Variants in ASB3 observed in about 807,000 individuals in gnomAD.
ASB3 encodes ankyrin repeat and SOCS box protein 3.
ASB3 carries 41 observed loss-of-function variants against 54.5 expected under a neutral mutation model. That is an observed-to-expected ratio of 0.75 (90% CI 0.59 to 0.98). ASB3 has a LOEUF of 0.98. Among genes scored for constraint, ASB3 ranks in the 50% least tolerant of loss-of-function variants. The pLI is 0.00. For synonymous variants in ASB3, 266 were observed against 221.2 expected, an observed-to-expected ratio of 1.20 and a Z score of -1.80; for missense variants, 733 against 620.0, an observed-to-expected ratio of 1.18 and a Z score of -1.94.
At chr2:53,776,446 G>C (rs894520985) in intron 1 of ASB3, among the ~76,000 whole-genome samples, 2 of 152,006 alleles carry the variant, frequency 1.3e-5, no homozygotes, top group Non-Finnish European at 2.9e-5. Flanking sequence ...TCTTTTTTCA[G>C]CAAAAATACT....
intron 3 of ASB3, among the ~76,000 whole-genome samples, chr2:53,731,046 T>A (rs1187062567): frequency 6.6e-6 from 1 of 152,152 alleles, no homozygotes; most frequent in Non-Finnish European, 1.5e-5. Flanking sequence ...ATTGTACTAG[T>A]TTTATATATT....
chr2:53,697,141 A>G (rs374981304), intron 8 of ASB3, among the ~76,000 whole-genome samples: 5 of 152,342 alleles, frequency 3.3e-5, no homozygotes, highest in African/African-American at 1.2e-4. Context: ...CTCATTGTTC[A>G]TTATATGCTA....
intron 7 of ASB3, among the ~76,000 whole-genome samples, chr2:53,709,120 C>G (rs1184612694): frequency 6.6e-6 from 1 of 152,212 alleles, no homozygotes; most frequent in Non-Finnish European, 1.5e-5. Flanking sequence ...TTCCCAGCAG[C>G]CTTACCCATC....
intron 5 of ASB3, among the ~76,000 whole-genome samples, chr2:53,721,123 T>TATAA (rs35978677): frequency 0.29 from 40,366 of 141,264 alleles, 5,868 homozygotes; most frequent in East Asian, 0.33. Context: ...TCTCCAGAAA[T>TATAA]ATAAATAAAT....
At chr2:53,718,305 G>A (rs572041184) in intron 5 of ASB3, among the ~76,000 whole-genome samples, 1 of 152,222 alleles carries the variant, frequency 6.6e-6, no homozygotes, top group South Asian at 2.1e-4. Flanking sequence ...CATACAAAAG[G>A]AACAGTGGAC....
At chr2:53,736,524 C>T (rs920075292) in intron 3 of ASB3, among the ~76,000 whole-genome samples, 105 of 151,650 alleles carry the variant, frequency 6.9e-4, no homozygotes, top group Admixed American at 5.3e-4. Context: ...CGGTGAAACC[C>T]TGTCTCTACT....
intron 1 of ASB3, among the ~76,000 whole-genome samples, chr2:53,782,550 C>G (rs1455577282): frequency 6.6e-6 from 1 of 152,186 alleles, no homozygotes; most frequent in Non-Finnish European, 1.5e-5. Context: ...AAACGCCTGG[C>G]AGCAACAGTA....
chr2:53,700,409 T>C lies in ASB3; in HGVS notation c.1100A>G (p.Lys367Arg). The change falls in exon 8 of 10, where the codon AAA becomes AGA. Residue 367 changes from lysine to arginine, a missense_variant. Lys to Arg is a conservative substitution (Grantham distance 26). Coordinates refer to ENST00000263634, the MANE Select transcript of ASB3 (RefSeq NM_016115.5). Reference protein sequence around the residue: ...KFSIFRYFLRKGCSLGPWNHI... With the variant: ...KFSIFRYFLRRGCSLGPWNHI... Reference sequence around the variant, plus strand: ...GTTCCATGGTCCCAATGAGCAACCTTTCCTCAAAAAGTAGCGAAATATCGA... The same window carrying C: ...GTTCCATGGTCCCAATGAGCAACCTCTCCTCAAAAAGTAGCGAAATATCGA... 2 of 1,614,098 alleles carry C rather than the reference T, an allele frequency of 1.2e-6. No individual in the cohort carries two copies. The highest frequency in any genetic ancestry group is 2.2e-5 in the South Asian group (2 of 91,084).
At chr2:53,745,464 A>G (rs1317053109) in intron 3 of ASB3, among the ~76,000 whole-genome samples, 1 of 152,188 alleles carries the variant, frequency 6.6e-6, no homozygotes, top group Non-Finnish European at 1.5e-5. Flanking sequence ...TCTTTATTAA[A>G]ATGTTGGTGA....
Position 53,670,454 on chromosome 2 carries a change from G to C in ASB3, c.*49C>G, listed in dbSNP as rs559318926. On this transcript the variant is annotated 3_prime_UTR_variant, in exon 10 of 10. Coordinates refer to ENST00000263634, the MANE Select transcript of ASB3 (RefSeq NM_016115.5). ...TTGTACTCTGTGGCTCTTTTGTCTC[G>C]ATGATTTTTCAGAGAAAAAAATTAG... is the stretch of plus-strand genomic sequence containing the variant. The C allele has an allele frequency of 3.2e-6, 5 of 1,574,956 alleles. No homozygotes were observed. The highest frequency in any genetic ancestry group is 4.3e-6 in the Non-Finnish European group (5 of 1,162,492).
At chr2:53,755,647 T>C (rs1381694284) in intron 2 of ASB3, among the ~76,000 whole-genome samples, 1 of 152,202 alleles carries the variant, frequency 6.6e-6, no homozygotes, top group Non-Finnish European at 1.5e-5. Context: ...ATTTCCACAA[T>C]GCAAGGAATT....
At chr2:53,747,959 T>C (rs892218293) in intron 3 of ASB3, among the ~76,000 whole-genome samples, 5 of 152,230 alleles carry the variant, frequency 3.3e-5, no homozygotes, top group African/African-American at 1.2e-4. Context: ...AACATGTTTT[T>C]AATAGTTCAC....
intron 7 of ASB3, among the ~76,000 whole-genome samples, chr2:53,706,785 T>A (rs1394812478): frequency 6.6e-6 from 1 of 152,148 alleles, no homozygotes. Context: ...CCCAGCATTC[T>A]CAGCCCTGAT....
Position 53,677,065 on chromosome 2 carries a change from G to A in ASB3, c.1370-6375C>T, listed in dbSNP as rs555668483. ...ATTACAGGTGTGAGCCACCGCGCCC[G>A]GCCTATACTGTATTTTTACTGTACT... is the stretch of plus-strand genomic sequence containing the variant. On this transcript the variant is annotated intron_variant, in intron 9 of 9. Coordinates refer to ENST00000263634, the MANE Select transcript of ASB3 (RefSeq NM_016115.5). Among the ~76,000 whole-genome samples, 44 of 152,192 alleles carry A rather than the reference G, an allele frequency of 2.9e-4. 1 individual carries two copies. Among genetic ancestry groups the A allele is most frequent in the Admixed American group, 7.9e-4 (12 of 15,280 alleles).
chr2:53,776,513 A>G (rs1172682591), intron 1 of ASB3, among the ~76,000 whole-genome samples: 3 of 152,158 alleles, frequency 2.0e-5, no homozygotes, highest in African/African-American at 7.2e-5. Flanking sequence ...ATGGATTTCT[A>G]AAACCTTGAA....
At chr2:53,774,208 GACTT>G (rs1558576176) in intron 1 of ASB3, 1 of 1,613,846 alleles carries the variant, frequency 6.2e-7, no homozygotes. Context: ...AGCATACCTT[GACTT>G]CAGAGAAAAA....
intron 1 of ASB3, among the ~76,000 whole-genome samples, chr2:53,769,515 T>C (rs781209114): frequency 2.2e-4 from 34 of 152,128 alleles, no homozygotes; most frequent in Non-Finnish European, 4.1e-4. Context: ...TGATTAGAAA[T>C]TGCCTAGTCA....
At chr2:53,780,140 C>G (rs1407526625) in intron 1 of ASB3, among the ~76,000 whole-genome samples, 1 of 152,186 alleles carries the variant, frequency 6.6e-6, no homozygotes, top group Non-Finnish European at 1.5e-5. Context: ...AAATATGAAA[C>G]TGAGGTCAGT....
chr2:53,782,320 C>A (rs1366100353), intron 1 of ASB3, among the ~76,000 whole-genome samples: 1 of 152,094 alleles, frequency 6.6e-6, no homozygotes, highest in African/African-American at 2.4e-5. Context: ...TAGGATTATG[C>A]TGAGGATTAA....
Sources: gnomAD v4.1 joint callset for allele counts (sites outside exome capture counted in the v4.1 genomes callset) on GRCh38, gnomAD v4.1.1 for gene constraint, MANE v1.5 for transcripts, NCBI Gene and HGNC (gene_info 2026-07-23, HGNC 2026-07-21) for gene names.